The following EVC variants were observed in gnomAD, a reference collection of about 807,000 sequenced individuals.
The protein encoded by EVC is EvC ciliary complex subunit 1.
Under a neutral mutation model 118.9 loss-of-function variants are expected in EVC, and 116 were observed. The observed-to-expected ratio is 0.98, with a 90% CI of 0.84 to 1.14. The LOEUF (loss-of-function observed/expected upper bound fraction) is 1.14. Among genes scored for constraint, EVC ranks in the 50% most tolerant of loss-of-function variants. The pLI, the probability that EVC is intolerant of heterozygous loss-of-function variation, is 0.00. For synonymous variants in EVC, 619 were observed against 534.7 expected, an observed-to-expected ratio of 1.16 and a Z score of -2.18; for missense variants, 1,401 against 1,246.4, an observed-to-expected ratio of 1.12 and a Z score of -1.87.
chr4:5,767,435 C>T (rs1174900595), intron 11 of EVC, among the ~76,000 whole-genome samples: 3 of 150,406 alleles, frequency 2.0e-5, no homozygotes, highest in African/African-American at 7.3e-5. Flanking sequence ...CACCCAGTTG[C>T]AGCTTCCAGG....
At position 5,798,523 on chromosome 4, in the gene EVC, C is replaced by G; in HGVS notation, c.2098-63C>G. The G allele has an allele frequency of 6.6e-7, 1 of 1,514,062 alleles. No homozygotes were observed. The highest frequency in any genetic ancestry group is 1.4e-5 in the African/African-American group (1 of 72,466). 93.8% of individuals were successfully genotyped at this position (1,514,062 alleles called of 1,614,324 possible). A position where few individuals can be genotyped will look rare whatever the true frequency, so the allele number is the denominator to read the frequency against. On this transcript the variant is annotated intron_variant, in intron 14 of 20. Coordinates refer to ENST00000264956, the MANE Select transcript of EVC (RefSeq NM_153717.3). This position sits in a 1 kb window ranked among gnomAD's most constrained non-coding sequence, Gnocchi z 4.1. ...GATAGGACCAGCCCCACATCCCAGT[C>G]CTGGCCAGAGCTTCTCTGTGAGAGG...
intron 11 of EVC, among the ~76,000 whole-genome samples, chr4:5,764,069 A>C (rs545879925): frequency 5.4e-5 from 8 of 146,866 alleles, no homozygotes; most frequent in African/African-American, 2.0e-4. Context: ...ATTTTGAGAT[A>C]CATCCCATCA....
the EVC span, among the ~76,000 whole-genome samples, chr4:5,822,427 GTGTGCA>G: frequency 0.014 from 2,109 of 151,252 alleles, 27 homozygotes; most frequent in South Asian, 0.04. Flanking sequence ...GTGCATATGT[GTGTGCA>G]TGTGCATGTG....
At chr4:5,762,272 G>A (rs1439101007) in intron 11 of EVC, among the ~76,000 whole-genome samples, 4 of 132,494 alleles carry the variant, frequency 3.0e-5, no homozygotes, top group Non-Finnish European at 5.0e-5. Context: ...TGGTGTATAT[G>A]TGCCACATTT....
chr4:5,740,578 G>C (rs561352982), intron 5 of EVC, among the ~76,000 whole-genome samples: 1 of 151,952 alleles, frequency 6.6e-6, no homozygotes, highest in Non-Finnish European at 1.5e-5. Flanking sequence ...CACACAGAAG[G>C]AAAAATTAAC....
chr4:5,822,264 C>G, the EVC span, among the ~76,000 whole-genome samples: 197 of 152,340 alleles, frequency 1.3e-3, no homozygotes, highest in East Asian at 5.8e-4. Context: ...ATTTGAGGTT[C>G]AGGCCACGTG....
intron 9 of EVC, 102 bp from the exon 10 acceptor site, chr4:5,753,681 GAC>G: frequency 6.7e-7 from 1 of 1,490,604 alleles, no homozygotes; most frequent in South Asian, 1.1e-5. Flanking sequence ...CTCTGCAGCC[GAC>G]ACCAGCTTCC....
chr4:5,733,272 G>A, intron 4 of EVC, 79 bp from the exon 5 acceptor site: 1 of 1,181,760 alleles, frequency 8.5e-7, no homozygotes, highest in Non-Finnish European at 1.3e-6. Flanking sequence ...GGCTTGTACT[G>A]ATGAGGGACG....
chr4:5,758,973 A>T (rs1457179101), intron 11 of EVC, among the ~76,000 whole-genome samples: 1 of 152,078 alleles, frequency 6.6e-6, no homozygotes, highest in Non-Finnish European at 1.5e-5. Context: ...CAGATGAGAC[A>T]GCCTTGACTT....
intron 12 of EVC, among the ~76,000 whole-genome samples, chr4:5,791,737 G>A (rs1053143657): frequency 2.0e-5 from 3 of 151,952 alleles, no homozygotes; most frequent in Admixed American, 6.6e-5. Flanking sequence ...ACATGATGAG[G>A]CCCCTCTGTT....
chr4:5,770,302 G>T (rs1274901154), intron 11 of EVC, among the ~76,000 whole-genome samples: 2 of 152,140 alleles, frequency 1.3e-5, no homozygotes, highest in African/African-American at 4.8e-5. Context: ...GAGACCACAT[G>T]CCCTAAGGCC....
chr4:5,760,722 T>G (rs1371976228), intron 11 of EVC, among the ~76,000 whole-genome samples: 3 of 152,070 alleles, frequency 2.0e-5, no homozygotes, highest in Non-Finnish European at 1.5e-5. Flanking sequence ...CCAGCTAATT[T>G]TGTATTTTTA....
Position 5,797,114 on chromosome 4 carries a change from C to T in EVC, c.1979C>T (p.Thr660Met), listed in dbSNP as rs550100215. The T allele has an allele frequency of 1.5e-5, 24 of 1,613,592 alleles. No homozygotes were observed. The highest frequency in any genetic ancestry group is 2.2e-5 in the South Asian group (2 of 91,084). The change falls in exon 14 of 21, where the codon ACG becomes ATG. Residue 660 changes from threonine (T) to methionine (M), a missense_variant. By Grantham distance (81) the Thr-to-Met change is moderately conservative. Coordinates refer to ENST00000264956, the MANE Select transcript of EVC (RefSeq NM_153717.3). ...CGCGGCAACGCCCTGGCCACCCTGA[C>T]GCAGATGCGGCTATCGGGGAAGAAG... ...ALRGNALATL[T>M]QMRLSGKKHL... is the part of the protein sequence containing the mutation.
chr4:5,824,930 T>C, the EVC span: 2 of 985,440 alleles, frequency 2.0e-6, no homozygotes, highest in African/African-American at 1.7e-5. Flanking sequence ...CATCTAATTT[T>C]GTTCCCACAC....
chr4:5,795,503 T>A (rs1713774634), intron 13 of EVC, among the ~76,000 whole-genome samples: 1 of 152,044 alleles, frequency 6.6e-6, no homozygotes, highest in Admixed American at 6.6e-5. Context: ...ATACAAAAAA[T>A]TAGCTGGGCG....
chr4:5,823,361 C>G, the EVC span, among the ~76,000 whole-genome samples: 1 of 152,238 alleles, frequency 6.6e-6, no homozygotes, highest in Non-Finnish European at 1.5e-5. Context: ...GGCCTGGAAT[C>G]AGGCCTAGCA....
chr4:5,772,136 T>A (rs550699148), intron 11 of EVC, among the ~76,000 whole-genome samples: 2 of 152,220 alleles, frequency 1.3e-5, no homozygotes, highest in African/African-American at 2.4e-5. Context: ...GACTTCGCGA[T>A]CCGCCCGCCT....
the EVC span, chr4:5,825,855 G>GCA: frequency 1.2e-5 from 7 of 575,936 alleles, no homozygotes; most frequent in Non-Finnish European, 3.0e-6. The surrounding 1 kb of genome is among the most constrained non-coding windows in gnomAD (Gnocchi z 4.4). Context: ...ATACACACAA[G>GCA]CATGCATACA....
At position 5,798,422 on chromosome 4, in the gene EVC, A is replaced by G. The variant is rs1185053910; in HGVS notation, c.2098-164A>G. Among the ~76,000 whole-genome samples, 1 of 151,852 alleles carries G rather than the reference A, an allele frequency of 6.6e-6. No individual in the cohort carries two copies. Among genetic ancestry groups the G allele is most frequent in the Non-Finnish European group, 1.5e-5 (1 of 67,946 alleles). Reference sequence around the variant, plus strand: ...AGACACCTAACAGACACCTAACCTCATCCATTGATTTTTGCAAGCCCAGAG... The same window carrying G: ...AGACACCTAACAGACACCTAACCTCGTCCATTGATTTTTGCAAGCCCAGAG... On this transcript the variant is annotated intron_variant, in intron 14 of 20. Coordinates refer to ENST00000264956, the MANE Select transcript of EVC (RefSeq NM_153717.3). The surrounding 1 kb of genome is among the most constrained non-coding windows in gnomAD (Gnocchi z 4.1).
Sources: gnomAD v4.1 joint callset for allele counts (sites outside exome capture counted in the v4.1 genomes callset) on GRCh38, gnomAD v4.1.1 for gene constraint, Gnocchi (gnomAD v3.1) non-coding constraint, MANE v1.5 for transcripts, NCBI Gene and HGNC (gene_info 2026-07-23, HGNC 2026-07-21) for gene names.